The following PHF14 variants were observed in gnomAD, a reference collection of about 807,000 sequenced individuals.
PHF14 encodes the protein PHD finger protein 14.
In PHF14, 55 loss-of-function variants were observed where a neutral mutation model predicts 117.9. The observed-to-expected ratio is 0.47, with a 90% CI of 0.38 to 0.58. The LOEUF is 0.58. PHF14 is among the 20% of genes least tolerant of loss of function. PHF14 has a pLI of 0.00. For synonymous variants in PHF14, 409 were observed against 368.6 expected (o/e 1.11, Z -1.26); for missense variants, 978 against 1,122.2 (o/e 0.87, Z 1.84).
chr7:11,075,564 G>GTT (rs3073111), intron 16 of PHF14, among the ~76,000 whole-genome samples: 1,625 of 109,916 alleles, frequency 0.015, 44 homozygotes, highest in African/African-American at 0.029. Context: ...AAGGAAAGAG[G>GTT]TTTTTTTTTT....
intron 16 of PHF14, among the ~76,000 whole-genome samples, chr7:11,076,589 G>T (rs1785860934): frequency 7.2e-6 from 1 of 139,834 alleles, no homozygotes; most frequent in African/African-American, 2.6e-5. Context: ...TTTTTTTGAG[G>T]CAGAGTCTCA....
intron 16 of PHF14, among the ~76,000 whole-genome samples, chr7:11,078,522 T>G (rs1259021592): frequency 3.9e-5 from 6 of 152,178 alleles, no homozygotes. Context: ...TTAGATTGAT[T>G]TAAAAATCCC....
At chr7:11,013,060 A>G (rs1373369797) in intron 4 of PHF14, among the ~76,000 whole-genome samples, 1 of 152,102 alleles carries the variant, frequency 6.6e-6, no homozygotes, top group Admixed American at 6.6e-5. Context: ...TTGATCTTTT[A>G]TATATATATT....
At position 11,022,908 on chromosome 7, in the gene PHF14, G is replaced by A; in HGVS notation, c.1246G>A (p.Ala416Thr). Residue 416 changes from alanine to threonine, a missense_variant, in exon 6 of 18, where the codon GCC (alanine) becomes ACC (threonine). Ala to Thr is a moderately conservative substitution (Grantham distance 58). Coordinates refer to ENST00000634607, the MANE Select transcript of PHF14 (RefSeq NM_001007157.2). Reference sequence around the variant, plus strand: ...TTGTGCCCTGTATGTTCCTGGAGTAGCCTTTGGAGATATTGACAAATTACG... The same window carrying A: ...TTGTGCCCTGTATGTTCCTGGAGTAACCTTTGGAGATATTGACAAATTACG... Reference protein sequence around the residue: ...IVCALYVPGVAFGDIDKLRPV... With the variant: ...IVCALYVPGVTFGDIDKLRPV... 6.2e-7 allele frequency: 1 copy of A among 1,610,414 alleles called. No homozygotes were observed. The highest frequency in any genetic ancestry group is 8.5e-7 in the Non-Finnish European group (1 of 1,177,412).
chr7:10,988,705 T>C (rs1256183631), intron 3 of PHF14, among the ~76,000 whole-genome samples: 1 of 152,108 alleles, frequency 6.6e-6, no homozygotes, highest in Non-Finnish European at 1.5e-5. Flanking sequence ...ATGTTCCTCT[T>C]TTTGAACCAC....
intron 16 of PHF14, among the ~76,000 whole-genome samples, chr7:11,092,829 A>G (rs988472685): frequency 9.2e-5 from 14 of 152,192 alleles, no homozygotes; most frequent in African/African-American, 3.1e-4. Flanking sequence ...GTATTATAAA[A>G]TGTTGAAGCC....
chr7:10,991,017 G>A (rs1221100771), intron 4 of PHF14, among the ~76,000 whole-genome samples, 170 bp downstream of exon 4: 1 of 152,080 alleles, frequency 6.6e-6, no homozygotes, highest in Non-Finnish European at 1.5e-5. Flanking sequence ...TTGAGATGGA[G>A]TCTCACTGTG....
intron 4 of PHF14, among the ~76,000 whole-genome samples, chr7:11,004,548 A>C (rs1304668945): frequency 6.6e-6 from 1 of 152,034 alleles, no homozygotes; most frequent in East Asian, 1.9e-4. Flanking sequence ...TTAATCTAGA[A>C]CAATTTTTCT....
chr7:10,990,227 A>AT (rs1268691645), intron 3 of PHF14, among the ~76,000 whole-genome samples: 1 of 152,010 alleles, frequency 6.6e-6, no homozygotes, highest in Non-Finnish European at 1.5e-5. Context: ...TTTTGAATTG[A>AT]TTTTTTCCTA....
intron 17 of PHF14, among the ~76,000 whole-genome samples, chr7:11,127,562 A>C (rs4720939): frequency 0.012 from 1,872 of 152,180 alleles, 27 homozygotes; most frequent in African/African-American, 0.043. Context: ...GGCATGTATC[A>C]TCATCTAGTC....
chr7:11,043,345 C>T (rs976057247), intron 13 of PHF14, among the ~76,000 whole-genome samples: 6 of 151,578 alleles, frequency 4.0e-5, no homozygotes, highest in Non-Finnish European at 8.8e-5. Context: ...GTTATAGTAT[C>T]TATAATGAGT....
chr7:11,153,939 C>CTGTGTGTGTGTGTGTGTGTG (rs975709011), intron 17 of PHF14, among the ~76,000 whole-genome samples: 61 of 138,530 alleles, frequency 4.4e-4, no homozygotes, highest in African/African-American at 1.6e-3. Flanking sequence ...TGGTCCCTGT[C>CTGTGTGTGTGTGTGTGTGTG]TGTGTGTGCG....
chr7:11,059,991 C>T lies in PHF14; in HGVS notation c.2482-1800C>T, dbSNP rs533624645. ...GCTCAAGTTATCTTCCCACCACAGC[C>T]TCCTGAGTAGCTGGGACTACCAGCA... is the stretch of plus-strand genomic sequence containing the variant. On this transcript the variant is annotated intron_variant, in intron 14 of 17. Coordinates refer to ENST00000634607, the MANE Select transcript of PHF14 (RefSeq NM_001007157.2). 2.6e-5 allele frequency among the ~76,000 whole-genome samples: 4 copies of T among 152,196 alleles called. No homozygotes were observed. The South Asian group carries it at 8.3e-4, about 32-fold the overall frequency.
intron 17 of PHF14, among the ~76,000 whole-genome samples, chr7:11,121,666 C>G (rs546401881): frequency 6.6e-6 from 1 of 152,198 alleles, no homozygotes; most frequent in East Asian, 1.9e-4. Context: ...CCCTGCAGTA[C>G]TGTGATGGTC....
chr7:11,151,598 C>G (rs1361455434), intron 17 of PHF14, among the ~76,000 whole-genome samples: 2 of 151,954 alleles, frequency 1.3e-5, no homozygotes, highest in African/African-American at 4.8e-5. Context: ...TGTTGTTGTT[C>G]TTAACTGTAG....
At chr7:11,155,690 C>T (rs1788822001) in intron 17 of PHF14, among the ~76,000 whole-genome samples, 1 of 151,978 alleles carries the variant, frequency 6.6e-6, no homozygotes, top group Admixed American at 6.5e-5. Context: ...GATACAGTTA[C>T]TTGAGTGATC....
chr7:11,069,371 G>T (rs1031412771), intron 16 of PHF14, among the ~76,000 whole-genome samples: 27 of 152,052 alleles, frequency 1.8e-4, no homozygotes, highest in African/African-American at 6.3e-4. Context: ...TACTGAGTCC[G>T]CATGGAGAAG....
intron 17 of PHF14, among the ~76,000 whole-genome samples, chr7:11,112,458 TA>T (rs1787478856): frequency 1.3e-5 from 2 of 152,200 alleles, no homozygotes; most frequent in African/African-American, 4.8e-5. Flanking sequence ...AAACTTTTTT[TA>T]AATATCAGAA....
rs138872263 is a variant in PHF14, at chr7:11,023,238, A to G, written c.1317+259A>G. ...TACCATTTCCCTGGCAGTGTTCACA[A>G]TGCCTAATACATAGACCAAAACCTT... is the stretch of plus-strand genomic sequence containing the variant. On this transcript the variant is annotated intron_variant, in intron 6 of 17. Transcript: ENST00000634607. Among the ~76,000 whole-genome samples, 20 of 152,328 alleles carry G rather than the reference A, an allele frequency of 1.3e-4. No individual in the cohort carries two copies. The East Asian group carries it at 3.3e-3, about 25-fold the overall frequency.
Sources: gnomAD v4.1 joint callset for allele counts (sites outside exome capture counted in the v4.1 genomes callset) on GRCh38, gnomAD v4.1.1 for gene constraint, MANE v1.5 for transcripts, NCBI Gene and HGNC (gene_info 2026-07-23, HGNC 2026-07-21) for gene names.